Variants in XPO4 observed in about 807,000 individuals in gnomAD.
XPO4 encodes the protein exportin-4.
In XPO4, 39 loss-of-function variants were observed where a neutral mutation model predicts 143.0. That is an observed-to-expected ratio of 0.27 (90% CI 0.21 to 0.36). The LOEUF (loss-of-function observed/expected upper bound fraction) is 0.36. Among genes scored for constraint, XPO4 ranks in the 10% least tolerant of loss-of-function variants. The probability of loss-of-function intolerance (pLI) is 1.00; values close to 1 mark genes in which losing one functional copy is unlikely to be tolerated. For synonymous variants in XPO4, 439 were observed against 474.0 expected (o/e 0.93, Z 0.96); for missense variants, 907 against 1,348.0 (o/e 0.67, Z 5.12).
intron 6 of XPO4, among the ~76,000 whole-genome samples, chr13:20,836,669 T>C (rs1219281187): frequency 6.6e-6 from 1 of 152,230 alleles, no homozygotes; most frequent in Non-Finnish European, 1.5e-5. Flanking sequence ...AAAGGCTTCA[T>C]TAAGACATAA....
chr13:20,889,967 T>C (rs536490715), intron 1 of XPO4, among the ~76,000 whole-genome samples: 1 of 152,348 alleles, frequency 6.6e-6, no homozygotes, highest in African/African-American at 2.4e-5. Flanking sequence ...TCACCAATAT[T>C]GTGTGCCACC....
intron 4 of XPO4, among the ~76,000 whole-genome samples, chr13:20,853,245 A>C (rs910828828): frequency 1.3e-5 from 2 of 149,914 alleles, no homozygotes; most frequent in African/African-American, 4.9e-5. Flanking sequence ...TAAGGTGGGA[A>C]GACTGAGCCC....
intron 21 of XPO4, among the ~76,000 whole-genome samples, 186 bp from the exon 22 acceptor site, chr13:20,787,243 A>G (rs187895824): frequency 6.6e-6 from 1 of 152,368 alleles, no homozygotes; most frequent in African/African-American, 2.4e-5. Flanking sequence ...GTATCTGAAT[A>G]ATCAACAATA....
chr13:20,899,139 G>T (rs146538466), intron 1 of XPO4, among the ~76,000 whole-genome samples: 34 of 152,194 alleles, frequency 2.2e-4, no homozygotes, highest in African/African-American at 7.5e-4. Context: ...ATCAATGCAC[G>T]GTTGATGTCC....
chr13:20,893,566 C>CCT (rs1450631436), intron 1 of XPO4, among the ~76,000 whole-genome samples: 3 of 151,914 alleles, frequency 2.0e-5, no homozygotes, highest in Non-Finnish European at 4.4e-5. Context: ...GGTGAAACTC[C>CCT]CTCACATGGT....
At chr13:20,885,601 G>A (rs951449397) in intron 1 of XPO4, among the ~76,000 whole-genome samples, 2 of 152,104 alleles carry the variant, frequency 1.3e-5, no homozygotes, top group Non-Finnish European at 2.9e-5. Context: ...CTGTTTATAA[G>A]AAATGCATAT....
rs1555339706 is a variant in XPO4, at chr13:20,853,352, A to AAAAAG, written c.456+2274_456+2275insCTTTT. On this transcript the variant is annotated intron_variant, in intron 4 of 22. Coordinates refer to ENST00000255305, the MANE Select transcript of XPO4 (RefSeq NM_022459.5). Reference sequence around the variant, plus strand: ...ACCCTGTCTCAAAAAAAAAAAAAAAATAGCTTCCTACCCAGGTACAGTAGC... The same window carrying AAAAAG: ...ACCCTGTCTCAAAAAAAAAAAAAAAAAAAAGTAGCTTCCTACCCAGGTACAGTAGC... Among the ~76,000 whole-genome samples the AAAAAG allele has an allele frequency of 5.4e-3, 812 of 150,798 alleles. 17 individuals carry two copies. Among genetic ancestry groups the AAAAAG allele is most frequent in the African/African-American group, 0.019 (780 of 40,916 alleles).
chr13:20,885,598 T>C (rs1181299222), intron 1 of XPO4, among the ~76,000 whole-genome samples: 1 of 152,128 alleles, frequency 6.6e-6, no homozygotes, highest in Non-Finnish European at 1.5e-5. Context: ...ATGCTGTTTA[T>C]AAGAAATGCA....
At chr13:20,895,605 C>A (rs2060561166) in intron 1 of XPO4, among the ~76,000 whole-genome samples, 1 of 149,896 alleles carries the variant, frequency 6.7e-6, no homozygotes, top group Non-Finnish European at 1.5e-5. Context: ...GCACTCCAGC[C>A]TGGGTGACAG....
At chr13:20,812,856 C>T (rs7335645) in intron 9 of XPO4, among the ~76,000 whole-genome samples, 1,924 of 151,370 alleles carry the variant, frequency 0.013, 43 homozygotes, top group African/African-American at 0.045. Flanking sequence ...ATTTTAAATA[C>T]AGAATTATTC....
At chr13:20,805,892 A>G (rs1412786229) in intron 13 of XPO4, among the ~76,000 whole-genome samples, 2 of 151,796 alleles carry the variant, frequency 1.3e-5, no homozygotes, top group Non-Finnish European at 2.9e-5. Context: ...ATTAAATTTC[A>G]TATTAATTCT....
chr13:20,859,948 G>A, intron 3 of XPO4: 2 of 646,264 alleles, frequency 3.1e-6, no homozygotes, highest in Non-Finnish European at 3.8e-6. Context: ...GCGACAAGGG[G>A]GAGAAAAGGC....
At chr13:20,888,400 G>T (rs1281963988) in intron 1 of XPO4, among the ~76,000 whole-genome samples, 1 of 152,146 alleles carries the variant, frequency 6.6e-6, no homozygotes, top group Non-Finnish European at 1.5e-5. Flanking sequence ...AGGCTGGATG[G>T]AGTGCAGTGT....
At chr13:20,819,179 T>C (rs1394891564) in intron 9 of XPO4, among the ~76,000 whole-genome samples, 1 of 152,126 alleles carries the variant, frequency 6.6e-6, no homozygotes. Flanking sequence ...AAGGAATTCA[T>C]ACCCTGACTT....
rs4470009 is a variant in XPO4 at position 20,778,004 on chromosome 13, T to C, written c.*5718A>G. ...TGAGATTACATAGAATGCACAAGAC[T>C]CAATCTGAGACCCTATGTTTAAAAA... On this transcript the variant is annotated 3_prime_UTR_variant, in exon 23 of 23. Coordinates refer to ENST00000255305, the MANE Select transcript of XPO4 (RefSeq NM_022459.5). The C allele has an allele frequency of 0.99, 151,527 of 152,332 alleles. 75,375 individuals are homozygous for C. Among genetic ancestry groups the C allele is most frequent in the East Asian group, 1 (5,184 of 5,184 alleles). 9.4% of individuals were successfully genotyped at this position (152,332 alleles called of 1,614,324 possible).
intron 15 of XPO4, among the ~76,000 whole-genome samples, chr13:20,799,910 T>A (rs962403737): frequency 6.6e-6 from 1 of 152,216 alleles, no homozygotes; most frequent in Non-Finnish European, 1.5e-5. Context: ...GTGTTACTCA[T>A]AGGGCTTTGA....
At chr13:20,850,752 G>A (rs2060076647) in intron 4 of XPO4, 9 of 967,276 alleles carry the variant, frequency 9.3e-6, no homozygotes, top group African/African-American at 1.8e-5. Flanking sequence ...GCGATAGAGC[G>A]AGGCCCTGTT....
intron 1 of XPO4, among the ~76,000 whole-genome samples, chr13:20,901,495 A>C (rs1360544889): frequency 3.3e-5 from 5 of 152,202 alleles, no homozygotes; most frequent in Non-Finnish European, 5.9e-5. Flanking sequence ...AATACTAGCT[A>C]GTTACTTCTG....
intron 18 of XPO4, among the ~76,000 whole-genome samples, chr13:20,795,624 G>A (rs2059348228): frequency 6.6e-6 from 1 of 152,128 alleles, no homozygotes; most frequent in South Asian, 2.1e-4. Flanking sequence ...TAGGGTTTCT[G>A]GGGTGGCCAC....
Sources: gnomAD v4.1 joint callset for allele counts (sites outside exome capture counted in the v4.1 genomes callset) on GRCh38, gnomAD v4.1.1 for gene constraint, MANE v1.5 for transcripts, NCBI Gene and HGNC (gene_info 2026-07-23, HGNC 2026-07-21) for gene names.